Variants in ROBO1 observed in about 807,000 individuals in gnomAD.
The protein encoded by ROBO1 is roundabout guidance receptor 1.
ROBO1 carries 149 observed loss-of-function variants against 195.9 expected under a neutral mutation model. That is an observed-to-expected ratio of 0.76 (90% CI 0.67 to 0.87). ROBO1 has a LOEUF of 0.87. ROBO1 is among the 40% of genes least tolerant of loss of function. The probability of loss-of-function intolerance (pLI) is 0.00; values close to 1 mark genes in which losing one functional copy is unlikely to be tolerated. For synonymous variants in ROBO1, 816 were observed against 733.2 expected (o/e 1.11, Z -1.82); for missense variants, 1,933 against 2,068.3 (o/e 0.93, Z 1.27).
chr3:79,307,632 T>C (rs2033283335), intron 2 of ROBO1, among the ~76,000 whole-genome samples: 1 of 152,074 alleles, frequency 6.6e-6, no homozygotes, highest in Admixed American at 6.6e-5. Context: ...CTAAATGTTA[T>C]GGTTCTTATT....
intron 2 of ROBO1, among the ~76,000 whole-genome samples, chr3:79,330,671 G>GAAAAA (rs34923136): frequency 7.8e-5 from 6 of 77,396 alleles, no homozygotes; most frequent in Non-Finnish European, 1.2e-4. Flanking sequence ...GGAACTTAGG[G>GAAAAA]AAAAAAAAAA....
chr3:79,735,992 A>G (rs541194384), intron 1 of ROBO1, among the ~76,000 whole-genome samples: 136 of 152,306 alleles, frequency 8.9e-4, no homozygotes, highest in Non-Finnish European at 1.5e-3. Context: ...TAAGAAGTTA[A>G]AAAAGAAAAA....
In ROBO1 at chr3:78,598,905, G is replaced by T; in HGVS notation, c.*8C>A. On this transcript the variant is annotated 3_prime_UTR_variant, in exon 31 of 31. Coordinates refer to ENST00000464233, the MANE Select transcript of ROBO1 (RefSeq NM_002941.4). ...TCACATTAGATCTCATAAGCCTCTT[G>T]GTTGTCTTCAGCTTTCAGTTTCCTG... 1 of 1,564,708 alleles carries T rather than the reference G, an allele frequency of 6.4e-7. No homozygotes were observed. The highest frequency in any genetic ancestry group is 8.7e-7 in the Non-Finnish European group (1 of 1,150,184).
intron 3 of ROBO1, among the ~76,000 whole-genome samples, chr3:79,120,827 A>T (rs1173594663): frequency 6.6e-6 from 1 of 152,190 alleles, no homozygotes; most frequent in East Asian, 1.9e-4. Flanking sequence ...TCATCTAAGG[A>T]TAGTTTGCTT....
intron 1 of ROBO1, among the ~76,000 whole-genome samples, chr3:79,645,777 C>T (rs9857008): frequency 0.58 from 87,578 of 151,896 alleles, 25,536 homozygotes; most frequent in South Asian, 0.67. Context: ...CACAGACAGA[C>T]AGACCAAGAA....
chr3:78,651,652 T>A, intron 19 of ROBO1, 80 bp downstream of exon 19: 5 of 1,192,224 alleles, frequency 4.2e-6, no homozygotes, highest in Non-Finnish European at 4.6e-6. Context: ...ATATGCATAA[T>A]CATGAATAAT....
At chr3:78,759,332 C>T (rs1559825039) in intron 4 of ROBO1, 1 of 151,716 alleles carries the variant, frequency 6.6e-6, no homozygotes, top group African/African-American at 2.4e-5. Context: ...GAATCTCAGG[C>T]CACGCATGTC....
intron 3 of ROBO1, among the ~76,000 whole-genome samples, chr3:79,112,241 A>G (rs1033382333): frequency 1.3e-5 from 2 of 152,276 alleles, no homozygotes; most frequent in East Asian, 1.9e-4. Context: ...CATATGTGAC[A>G]TACTTACTCC....
intron 2 of ROBO1, among the ~76,000 whole-genome samples, chr3:79,420,024 A>G (rs1266184814): frequency 3.9e-5 from 6 of 152,120 alleles, no homozygotes; most frequent in African/African-American, 1.4e-4. Context: ...ATTAACAGAA[A>G]ATGAAGTCTT....
intron 4 of ROBO1, among the ~76,000 whole-genome samples, chr3:78,876,354 T>C (rs1309683292): frequency 6.6e-6 from 1 of 152,126 alleles, no homozygotes; most frequent in Non-Finnish European, 1.5e-5. Flanking sequence ...AACTTAGCCA[T>C]AATTATATCT....
At chr3:79,287,149 G>A (rs761740816) in intron 2 of ROBO1, among the ~76,000 whole-genome samples, 8 of 152,080 alleles carry the variant, frequency 5.3e-5, no homozygotes, top group Admixed American at 1.3e-4. Context: ...AAGAGGGTTC[G>A]TAATAGACTA....
chr3:79,572,672 T>G (rs1159093241), intron 2 of ROBO1, among the ~76,000 whole-genome samples: 1 of 152,258 alleles, frequency 6.6e-6, no homozygotes, highest in Non-Finnish European at 1.5e-5. Context: ...ATGAAACCAT[T>G]TGTCAAGTTA....
intron 3 of ROBO1, among the ~76,000 whole-genome samples, chr3:79,089,735 G>A (rs1019234306): frequency 5.9e-5 from 9 of 152,100 alleles, no homozygotes; most frequent in Non-Finnish European, 1.0e-4. Flanking sequence ...ATTCATGATT[G>A]TATTTATTCT....
chr3:79,421,487 C>T lies in ROBO1; in HGVS notation c.88+168337G>A, dbSNP rs562750705. Among the ~76,000 whole-genome samples, 36 of 152,180 alleles carry T rather than the reference C, an allele frequency of 2.4e-4. No homozygotes were observed. In the South Asian group the frequency reaches 5.8e-3, roughly 25 times the overall value. ...TCATATACTAGTGCAGGGTGAGAGG[C>T]CGTGTGGGGAAGAACCCAGGCACAG... On this transcript the variant is annotated intron_variant, in intron 2 of 30. Coordinates refer to ENST00000464233, the MANE Select transcript of ROBO1 (RefSeq NM_002941.4).
intron 3 of ROBO1, among the ~76,000 whole-genome samples, chr3:78,945,194 G>C (rs184442855): frequency 2.0e-5 from 3 of 152,200 alleles, no homozygotes; most frequent in African/African-American, 7.2e-5. Flanking sequence ...CACGCAGCTT[G>C]AGATCTGAGA....
At chr3:78,610,398 G>T (rs1703741152) in intron 28 of ROBO1, among the ~76,000 whole-genome samples, 1 of 152,122 alleles carries the variant, frequency 6.6e-6, no homozygotes, top group South Asian at 2.1e-4. Flanking sequence ...AAGGAAGAAT[G>T]ATTTTAAGTT....
intron 18 of ROBO1, among the ~76,000 whole-genome samples, chr3:78,654,528 C>T (rs972445510): frequency 1.3e-5 from 2 of 152,154 alleles, no homozygotes; most frequent in Non-Finnish European, 2.9e-5. Flanking sequence ...TTATAGATTT[C>T]ATGGCTATTT....
chr3:78,712,929 G>A (rs533536223), intron 8 of ROBO1, among the ~76,000 whole-genome samples: 1 of 152,292 alleles, frequency 6.6e-6, no homozygotes, highest in South Asian at 2.1e-4. Context: ...ACTGACTAAC[G>A]TAATAGACAG....
intron 1 of ROBO1, among the ~76,000 whole-genome samples, chr3:79,688,863 G>C (rs556173801): frequency 6.6e-6 from 1 of 152,004 alleles, no homozygotes; most frequent in East Asian, 1.9e-4. Flanking sequence ...AATAATTGTT[G>C]TAAGATACAC....
Sources: allele counts gnomAD v4.1 joint callset (sites outside exome capture counted in the v4.1 genomes callset), GRCh38; gene constraint gnomAD v4.1.1; transcripts MANE v1.5; gene names NCBI Gene and HGNC (gene_info 2026-07-23, HGNC 2026-07-21).